Variants in GARIN2 observed in about 807,000 individuals in gnomAD.
GARIN2 encodes golgi associated RAB2 interactor family member 2.
At chr14:67,225,958 TGTGTGC>T in the GARIN2 span, among the ~76,000 whole-genome samples, 5,560 of 130,148 alleles carry the variant, frequency 0.043, 290 homozygotes, top group African/African-American at 0.16. Flanking sequence ...TGTGTGTGTG[TGTGTGC>T]GCGCGCGCGC....
chr14:67,213,237 A>G, the GARIN2 span, among the ~76,000 whole-genome samples: 55 of 150,366 alleles, frequency 3.7e-4, no homozygotes, highest in African/African-American at 1.3e-3. Context: ...ATATGTATAC[A>G]TGTGCCATGC....
chr14:67,191,713 G>A, the GARIN2 span, among the ~76,000 whole-genome samples: 1 of 152,190 alleles, frequency 6.6e-6, no homozygotes, highest in Admixed American at 6.5e-5. Flanking sequence ...AAGCCCTGAC[G>A]ACACCATGGA....
the GARIN2 span, chr14:67,200,069 C>G: frequency 2.1e-6 from 2 of 960,788 alleles, no homozygotes; most frequent in Non-Finnish European, 3.2e-6. Context: ...CCACCCCAAC[C>G]ACCACCTGGA....
the GARIN2 span, among the ~76,000 whole-genome samples, chr14:67,215,546 G>A: frequency 1.3e-5 from 2 of 151,738 alleles, no homozygotes; most frequent in African/African-American, 2.4e-5. Flanking sequence ...GAGAGTGAGA[G>A]TAAAGTAGGA....
At chr14:67,215,699 G>A in the GARIN2 span, among the ~76,000 whole-genome samples, 35,646 of 151,912 alleles carry the variant, frequency 0.23, 5,818 homozygotes, top group East Asian at 0.44. Flanking sequence ...AAAGCGTAAG[G>A]TTTATTTAAA....
the GARIN2 span, among the ~76,000 whole-genome samples, chr14:67,192,950 CTATA>C: frequency 2.1e-5 from 3 of 143,854 alleles, no homozygotes; most frequent in Non-Finnish European, 4.5e-5. Flanking sequence ...ATAAATATCT[CTATA>C]TATCTATATA....
the GARIN2 span, chr14:67,202,914 C>T: frequency 1.8e-5 from 4 of 217,934 alleles, no homozygotes; most frequent in African/African-American, 2.3e-5. Context: ...CCCCATGGGT[C>T]AGAGGCTGTG....
chr14:67,221,956 G>C, the GARIN2 span: 1 of 977,310 alleles, frequency 1.0e-6, no homozygotes, highest in Non-Finnish European at 1.5e-6. Context: ...TCCATTCTGA[G>C]AATCCTATAC....
At chr14:67,209,110 G>C in the GARIN2 span, among the ~76,000 whole-genome samples, 1 of 152,296 alleles carries the variant, frequency 6.6e-6, no homozygotes, top group East Asian at 1.9e-4. Context: ...TACAATAAAA[G>C]TAATTTTCAA....
the GARIN2 span, chr14:67,199,543 C>CA: frequency 6.2e-7 from 1 of 1,607,016 alleles, no homozygotes; most frequent in Non-Finnish European, 8.5e-7. Context: ...CAATTGAAGC[C>CA]ATGAATGGGC....
chr14:67,191,971 CAA>C, the GARIN2 span, among the ~76,000 whole-genome samples: 2 of 152,166 alleles, frequency 1.3e-5, no homozygotes, highest in Non-Finnish European at 2.9e-5. Flanking sequence ...ACTTGAAAAA[CAA>C]GAGAAAGGAT....
At chr14:67,203,284 T>A in the GARIN2 span, 1 of 1,585,732 alleles carries the variant, frequency 6.3e-7, no homozygotes, top group Admixed American at 1.8e-5. Context: ...GAGAAACTAG[T>A]GCTCACCAGG....
chr14:67,195,713 TTG>T, the GARIN2 span, among the ~76,000 whole-genome samples: 75,060 of 142,668 alleles, frequency 0.53, 22,200 homozygotes, highest in Non-Finnish European at 0.7. Context: ...TTCTTTTTGG[TTG>T]TGTGTGTGTG....
chr14:67,199,168 C>T, the GARIN2 span: 6 of 1,600,006 alleles, frequency 3.7e-6, no homozygotes, highest in African/African-American at 1.3e-5. Flanking sequence ...TTTCTCCAGG[C>T]TGGACCAGTA....
the GARIN2 span, among the ~76,000 whole-genome samples, chr14:67,206,454 C>T: frequency 1.3e-5 from 2 of 151,946 alleles, no homozygotes; most frequent in African/African-American, 4.8e-5. Flanking sequence ...CAAGATTGTG[C>T]CATTGCACTC....
the GARIN2 span, among the ~76,000 whole-genome samples, chr14:67,195,313 C>T: frequency 1.8e-4 from 27 of 152,150 alleles, no homozygotes; most frequent in Admixed American, 1.7e-3. Context: ...TCATTTCCTC[C>T]TCCCTCTCTG....
the GARIN2 span, among the ~76,000 whole-genome samples, chr14:67,200,798 C>T: frequency 6.6e-6 from 1 of 152,164 alleles, no homozygotes; most frequent in Non-Finnish European, 1.5e-5. Flanking sequence ...TGTGCTGTTT[C>T]CAAGTTAGTT....
chr14:67,210,449 A>T, the GARIN2 span, among the ~76,000 whole-genome samples: 1 of 152,162 alleles, frequency 6.6e-6, no homozygotes, highest in Admixed American at 6.6e-5. Flanking sequence ...GAACAAAGAA[A>T]AAAGAAAAGA....
chr14:67,217,442 G>A, the GARIN2 span, among the ~76,000 whole-genome samples: 2 of 152,136 alleles, frequency 1.3e-5, no homozygotes, highest in Non-Finnish European at 2.9e-5. Context: ...ACTTACTCAT[G>A]TCATTTTGTT....
Sources: allele counts gnomAD v4.1 joint callset (sites outside exome capture counted in the v4.1 genomes callset), GRCh38; gene constraint gnomAD v4.1.1; transcripts MANE v1.5; gene names NCBI Gene and HGNC (gene_info 2026-07-23, HGNC 2026-07-21).